The following LOXL2 variants were observed in gnomAD, a reference collection of about 807,000 sequenced individuals.
LOXL2 encodes lysyl oxidase like 2, also known as lysyl oxidase homolog 2.
A neutral mutation model predicts 93.0 loss-of-function variants in LOXL2; 70 were observed. That is an observed-to-expected ratio of 0.75 (90% CI 0.62 to 0.92). The LOEUF is 0.92. Among genes scored for constraint, LOXL2 ranks in the 40% least tolerant of loss-of-function variants. LOXL2 has a pLI of 0.00. For synonymous variants in LOXL2, 438 were observed against 413.2 expected (o/e 1.06, Z -0.73); for missense variants, 973 against 1,054.9 (o/e 0.92, Z 1.08).
chr8:23,378,613 A>G (rs1363782388), intron 1 of LOXL2, among the ~76,000 whole-genome samples: 3 of 152,224 alleles, frequency 2.0e-5, no homozygotes, highest in South Asian at 4.2e-4. Context: ...ACATAGTCCC[A>G]TATTTCTTGG....
chr8:23,311,525 G>A lies in LOXL2; in HGVS notation c.1637-1614C>T, dbSNP rs181162807. 2.7e-3 allele frequency among the ~76,000 whole-genome samples: 409 copies of A among 152,304 alleles called. 3 individuals carry two copies. Among genetic ancestry groups the A allele is most frequent in the Non-Finnish European group, 1.5e-3 (101 of 68,026 alleles). ...GAGCTGAGCATGGAGGTCTCCACTT[G>A]GGCTCTCCCGCCAGCTCGCAAGGCG... On this transcript the variant is annotated intron_variant, in intron 9 of 13. Coordinates refer to ENST00000389131, the MANE Select transcript of LOXL2 (RefSeq NM_002318.3).
At chr8:23,356,025 C>T (rs938231102) in intron 3 of LOXL2, among the ~76,000 whole-genome samples, 1 of 152,156 alleles carries the variant, frequency 6.6e-6, no homozygotes, top group African/African-American at 2.4e-5. Context: ...TAATATGTTA[C>T]AGCTTGGGCC....
chr8:23,322,274 T>A lies in LOXL2; in HGVS notation c.1158A>T (p.Gly386=). 1 of 1,613,960 alleles carries A rather than the reference T, an allele frequency of 6.2e-7. No homozygotes were observed. The highest frequency in any genetic ancestry group is 8.5e-7 in the Non-Finnish European group (1 of 1,179,896). ...VTGSRLGQGI[G]PIHLNEIQCT... Reference sequence around the variant, plus strand: ...ACTGGATCTCGTTGAGGTGGATGGGTCCGATCCCTGCAAGGGGAGAATAAA... The same window carrying A: ...ACTGGATCTCGTTGAGGTGGATGGGACCGATCCCTGCAAGGGGAGAATAAA... Residue 386 remains glycine, a synonymous_variant, in exon 7 of 14, where the codon GGA becomes GGT. Transcript: ENST00000389131.
intron 3 of LOXL2, among the ~76,000 whole-genome samples, chr8:23,348,262 G>C (rs1198112272): frequency 5.2e-5 from 7 of 134,174 alleles, no homozygotes; most frequent in East Asian, 3.4e-4. Context: ...GTCGTGGGGT[G>C]GGGGGAGGGG....
intron 10 of LOXL2, among the ~76,000 whole-genome samples, chr8:23,304,905 C>T (rs1004674816): frequency 1.3e-5 from 2 of 152,142 alleles, no homozygotes; most frequent in African/African-American, 2.4e-5. Context: ...AGGTTTCCTG[C>T]GAGGAAATTC....
chr8:23,309,099 C>G (rs1803279987), intron 10 of LOXL2, among the ~76,000 whole-genome samples: 1 of 151,810 alleles, frequency 6.6e-6, no homozygotes, highest in South Asian at 2.1e-4. Context: ...ATTCTCCTGC[C>G]TCAGCCTCCC....
At chr8:23,341,381 T>C in intron 3 of LOXL2, 178 bp from the exon 4 acceptor site, 1 of 625,152 alleles carries the variant, frequency 1.6e-6, no homozygotes, top group Non-Finnish European at 2.9e-6. Context: ...AAGCTGCAGT[T>C]AGAAAGCGCT....
intron 1 of LOXL2, among the ~76,000 whole-genome samples, chr8:23,372,236 G>A (rs1804507291): frequency 7.1e-6 from 1 of 140,944 alleles, no homozygotes. Context: ...TTTTTTTTGA[G>A]ATGGAGTCTT....
chr8:23,302,209 C>T (rs1370002328), intron 11 of LOXL2, 46 bp from the exon 12 acceptor site: 1 of 1,608,434 alleles, frequency 6.2e-7, no homozygotes, highest in South Asian at 1.1e-5. Flanking sequence ...AACCATGGCC[C>T]CACTGCCGCA....
chr8:23,381,025 A>G (rs963664443), intron 1 of LOXL2, among the ~76,000 whole-genome samples: 6 of 152,070 alleles, frequency 3.9e-5, no homozygotes, highest in Non-Finnish European at 7.3e-5. Flanking sequence ...AACAAAAGGA[A>G]GAAAATAACT....
chr8:23,346,205 TAAATA>T (rs1554479851), intron 3 of LOXL2, among the ~76,000 whole-genome samples: 12 of 80,962 alleles, frequency 1.5e-4, no homozygotes, highest in South Asian at 3.6e-4. Context: ...TAAAATAAAA[TAAATA>T]AAATAAAATA....
intron 1 of LOXL2, among the ~76,000 whole-genome samples, chr8:23,391,951 T>G (rs1167316789): frequency 6.6e-6 from 1 of 152,220 alleles, no homozygotes; most frequent in African/African-American, 2.4e-5. Context: ...AGTCCCCAAG[T>G]GACATCCTCC....
intron 2 of LOXL2, chr8:23,363,385 G>GT (rs1804335134): frequency 6.6e-6 from 1 of 152,126 alleles, no homozygotes; most frequent in African/African-American, 2.4e-5. Context: ...CTGGGCTGAG[G>GT]TTTTCCAACT....
Position 23,302,177 on chromosome 8 carries a change from AGAG to A in LOXL2, c.1997-17_1997-15del, listed in dbSNP as rs1204465364. The A allele has an allele frequency of 1.9e-6, 3 of 1,613,668 alleles. No homozygotes were observed. Among genetic ancestry groups the A allele is most frequent in the East Asian group, 2.2e-5 (1 of 44,876 alleles). On this transcript the variant is annotated splice_polypyrimidine_tract_variant and intron_variant, in intron 11 of 13. Transcript: ENST00000389131. ...TCTTCTGGATGTCTGCGGGCAGGGT[AGAG>A]GAGAGCTCATCACCAGGGAACCATG...
At chr8:23,317,232 C>T (rs1333521538) in intron 8 of LOXL2, 118 bp from the exon 9 acceptor site, 19 of 1,142,198 alleles carry the variant, frequency 1.7e-5, no homozygotes, top group African/African-American at 3.1e-5. Flanking sequence ...TTTTTCAGAT[C>T]GAAACAGCAC....
rs543369118 is a variant in LOXL2, at chr8:23,323,248, G to A, written c.1151-967C>T. 5.9e-5 allele frequency among the ~76,000 whole-genome samples: 9 copies of A among 152,330 alleles called. 1 individual carries two copies. In the South Asian group the frequency reaches 1.9e-3, roughly 32 times the overall value. On this transcript the variant is annotated intron_variant, in intron 6 of 13. Transcript: ENST00000389131. Reference sequence around the variant, plus strand: ...TGACAAGGCACCGATCCTAATCAGAGCCCAGGAAGCAAGCAAGGCCCACAG... The same window carrying A: ...TGACAAGGCACCGATCCTAATCAGAACCCAGGAAGCAAGCAAGGCCCACAG...
chr8:23,400,313 A>T (rs184132190), intron 1 of LOXL2, among the ~76,000 whole-genome samples: 1 of 152,218 alleles, frequency 6.6e-6, no homozygotes, highest in South Asian at 2.1e-4. Flanking sequence ...CCTCACAATC[A>T]TGGCAGAAGA....
chr8:23,324,140 T>A (rs1803542231), intron 6 of LOXL2, among the ~76,000 whole-genome samples: 1 of 152,164 alleles, frequency 6.6e-6, no homozygotes. Context: ...AGACTACAGC[T>A]CAAGACTGGA....
intron 1 of LOXL2, among the ~76,000 whole-genome samples, chr8:23,368,912 A>T (rs1585374513): frequency 1.3e-5 from 2 of 151,838 alleles, no homozygotes; most frequent in Admixed American, 1.3e-4. Context: ...AACGGCGGGG[A>T]CATGGGAGGG....
Sources: allele counts gnomAD v4.1 joint callset (sites outside exome capture counted in the v4.1 genomes callset), GRCh38; gene constraint gnomAD v4.1.1; transcripts MANE v1.5; gene names NCBI Gene and HGNC (gene_info 2026-07-23, HGNC 2026-07-21).